C3orf52: variants seen among roughly 807,000 people sequenced by gnomAD.
The protein encoded by C3orf52 is TPA-induced transmembrane protein.
C3orf52 carries 22 observed loss-of-function variants against 24.8 expected under a neutral mutation model. That is an observed-to-expected ratio of 0.89 (90% CI 0.63 to 1.27). C3orf52 has a LOEUF of 1.27. Ranked by LOEUF, C3orf52 falls within the 50% of genes most tolerant of loss-of-function variation. The pLI is 0.00. For synonymous variants in C3orf52, 93 were observed against 100.2 expected (o/e 0.93, Z 0.43); for missense variants, 265 against 260.7 (o/e 1.02, Z -0.11).
chr3:112,122,962 ATGACT>A (rs1319438598), downstream of C3orf52: 1 of 164,546 alleles, frequency 6.1e-6, no homozygotes, highest in Non-Finnish European at 1.3e-5. Context: ...TGTAAAAGAC[ATGACT>A]TAGACACATG....
At chr3:112,109,288 A>G (rs1410095359) in intron 3 of C3orf52, among the ~76,000 whole-genome samples, 3 of 152,190 alleles carry the variant, frequency 2.0e-5, no homozygotes, top group Non-Finnish European at 4.4e-5. Flanking sequence ...CTCACCACTA[A>G]GGCCACAGGG....
chr3:112,086,553 C>A lies in C3orf52; in HGVS notation c.138+8C>A. ...GAGGTCCCCCCGGCCGAGGTAAGGT[C>A]CCCTTGGCGCTGGCCCTAACTTGCC... On this transcript the variant is annotated splice_region_variant and intron_variant, in intron 1 of 5. Coordinates refer to ENST00000264848, the MANE Select transcript of C3orf52 (RefSeq NM_024616.3). 6.5e-7 allele frequency: 1 copy of A among 1,549,220 alleles called. No homozygotes were observed. The highest frequency in any genetic ancestry group is 1.2e-5 in the South Asian group (1 of 83,812).
At chr3:112,099,956 ACTTGCTCAAGGT>A (rs1329407571) in intron 2 of C3orf52, among the ~76,000 whole-genome samples, 8 of 152,314 alleles carry the variant, frequency 5.3e-5, no homozygotes, top group African/African-American at 1.9e-4. Context: ...GATTTAAGTG[ACTTGCTCAAGGT>A]CACCTGGCTA....
rs115593061 is a variant in C3orf52, at chr3:112,126,443, A to G, written c.*47-1790A>G. On this transcript the variant is annotated intron_variant, in intron 4 of 4. Coordinates refer to the C3orf52 transcript ENST00000480282. The stretch of plus-strand genomic sequence containing the variant: ...ATTCTTTCTCCTTAACTTCAGTGCT[A>G]TTCTATCACCAGAGACTACTGCACC... 1.6e-3 allele frequency among the ~76,000 whole-genome samples: 243 copies of G among 152,210 alleles called. 1 individual carries two copies. The highest frequency in any genetic ancestry group is 5.2e-3 in the African/African-American group (214 of 41,532).
chr3:112,098,698 A>G (rs2073946983), intron 2 of C3orf52, among the ~76,000 whole-genome samples: 1 of 152,154 alleles, frequency 6.6e-6, no homozygotes, highest in Non-Finnish European at 1.5e-5. Flanking sequence ...GAGGCTGGGA[A>G]CTCCAAGATC....
At chr3:112,120,620 T>G (rs2074178626), downstream of C3orf52, among the ~76,000 whole-genome samples, 1 of 152,172 alleles carries the variant, frequency 6.6e-6, no homozygotes, top group Non-Finnish European at 1.5e-5. Context: ...TCTGGTTATA[T>G]TTGTGGCTCG....
At chr3:112,133,221 G>T, downstream of C3orf52, 2 of 1,277,652 alleles carry the variant, frequency 1.6e-6, no homozygotes, top group Admixed American at 1.7e-5. Flanking sequence ...GGGCTGTGTG[G>T]CTCTGGCCAC....
At chr3:112,128,307 T>G (rs1220150994) in exon 5 of C3orf52, 2 of 654,264 alleles carry the variant, frequency 3.1e-6, no homozygotes, top group Non-Finnish European at 2.8e-6. Flanking sequence ...GAAAAATGTT[T>G]CCTCACTCTC....
intron 4 of C3orf52, among the ~76,000 whole-genome samples, chr3:112,110,292 G>A (rs1363091611): frequency 1.3e-5 from 2 of 151,990 alleles, no homozygotes; most frequent in African/African-American, 4.8e-5. Flanking sequence ...TTGCGCCACT[G>A]CACTCCAGCC....
At chr3:112,130,748 A>G (rs2074433931), downstream of C3orf52, 1 of 546,784 alleles carries the variant, frequency 1.8e-6, no homozygotes, top group Non-Finnish European at 3.3e-6. Flanking sequence ...AACCTCCATG[A>G]ACAAGTGATC....
intron 1 of C3orf52, among the ~76,000 whole-genome samples, chr3:112,089,954 A>C (rs1328284111): frequency 6.6e-6 from 1 of 152,236 alleles, no homozygotes; most frequent in African/African-American, 2.4e-5. Context: ...GTAAAACAAT[A>C]ATAGAATGTA....
Position 112,092,364 on chromosome 3 carries a change from C to T in C3orf52, c.139-996C>T, listed in dbSNP as rs2073886150. Among the ~76,000 whole-genome samples, 3 of 152,180 alleles carry T rather than the reference C, an allele frequency of 2.0e-5. No homozygotes were observed. In the South Asian group the frequency reaches 6.2e-4, roughly 32 times the overall value. On this transcript the variant is annotated intron_variant, in intron 1 of 5. Transcript: ENST00000264848. ...TGTTAGATACAGACACATTTTTTCC[C>T]CATTGTATTCTGTTGTTTCCCATGG...
chr3:112,122,163 A>G (rs1559979863), downstream of C3orf52: 1 of 152,194 alleles, frequency 6.6e-6, no homozygotes, highest in Non-Finnish European at 1.5e-5. Flanking sequence ...TGCATCAGTA[A>G]CCAAACACAT....
chr3:112,117,307 A>G lies in C3orf52; in HGVS notation c.*661A>G. Reference sequence around the variant, plus strand: ...CTACTTCCATGACCTGTACCTGAGTATCTTAGCCAGCCAGCCTTAGGAACA... The same window carrying G: ...CTACTTCCATGACCTGTACCTGAGTGTCTTAGCCAGCCAGCCTTAGGAACA... On this transcript the variant is annotated 3_prime_UTR_variant, in exon 6 of 6. Coordinates refer to ENST00000264848, the MANE Select transcript of C3orf52 (RefSeq NM_024616.3). 3.5e-6 allele frequency: 1 copy of G among 285,756 alleles called. No individual in the cohort carries two copies. Among genetic ancestry groups the G allele is most frequent in the East Asian group, 6.0e-5 (1 of 16,644 alleles). The allele number at this position is 285,756 out of a possible 1,614,324, so 17.7% of individuals were successfully genotyped here.
chr3:112,093,057 G>A (rs1238020590), intron 1 of C3orf52, among the ~76,000 whole-genome samples: 1 of 152,076 alleles, frequency 6.6e-6, no homozygotes, highest in Admixed American at 6.6e-5. Context: ...TCTGCTGGCC[G>A]GTTCCATTAC....
downstream of C3orf52, chr3:112,134,980 T>C (rs541660303): frequency 6.4e-6 from 1 of 155,066 alleles, no homozygotes; most frequent in African/African-American, 2.4e-5. Flanking sequence ...GGGGAGGTGT[T>C]GACTTTCAAA....
chr3:112,116,057 G>C (rs1480307924), intron 5 of C3orf52, among the ~76,000 whole-genome samples: 1 of 152,158 alleles, frequency 6.6e-6, no homozygotes, highest in Non-Finnish European at 1.5e-5. Flanking sequence ...TCAGCTAGTA[G>C]ACTGAGTAGG....
At chr3:112,089,755 G>C (rs898520169) in intron 1 of C3orf52, among the ~76,000 whole-genome samples, 3 of 152,004 alleles carry the variant, frequency 2.0e-5, no homozygotes, top group Non-Finnish European at 4.4e-5. Context: ...AAGAAGAAAG[G>C]CTTTTTAGAT....
chr3:112,102,936 G>T lies in C3orf52; in HGVS notation c.367G>T (p.Glu123Ter). Residue 123 changes from glutamate to a stop codon, truncating the protein, a stop_gained, in exon 3 of 6, where the codon GAG (glutamate) becomes TAG (stop). Coordinates refer to ENST00000264848, the MANE Select transcript of C3orf52 (RefSeq NM_024616.3). LOFTEE classifies it high-confidence loss of function. ...LKIPEECVAE[E>*]ELPHLLTERL... Reference sequence around the variant, plus strand: ...GATTCCAGAGGAGTGTGTTGCTGAAGAGGAATTGCCTCACCTGCTCACCGA... The same window carrying T: ...GATTCCAGAGGAGTGTGTTGCTGAATAGGAATTGCCTCACCTGCTCACCGA... 6.2e-7 allele frequency: 1 copy of T among 1,612,488 alleles called. No individual in the cohort carries two copies.
Sources: allele counts gnomAD v4.1 joint callset (sites outside exome capture counted in the v4.1 genomes callset), GRCh38; gene constraint gnomAD v4.1.1; transcripts MANE v1.5; gene names NCBI Gene and HGNC (gene_info 2026-07-23, HGNC 2026-07-21).